Variants in GALNT15 observed in about 807,000 individuals in gnomAD.
GALNT15 encodes the protein polypeptide N-acetylgalactosaminyltransferase 15.
Under a neutral mutation model 66.8 loss-of-function variants are expected in GALNT15, and 67 were observed. The observed-to-expected ratio is 1.00, with a 90% confidence interval of 0.82 to 1.23. GALNT15 has a LOEUF of 1.23. Among genes scored for constraint, GALNT15 ranks in the 50% most tolerant of loss-of-function variants. The probability of loss-of-function intolerance (pLI) is 0.00; values close to 1 mark genes in which losing one functional copy is unlikely to be tolerated. For synonymous variants in GALNT15, 313 were observed against 311.5 expected (o/e 1.00, Z -0.05); for missense variants, 827 against 804.3 (o/e 1.03, Z -0.34).
intron 9 of GALNT15, among the ~76,000 whole-genome samples, chr3:16,222,971 C>T (rs1468283071): frequency 1.3e-5 from 2 of 152,162 alleles, no homozygotes; most frequent in East Asian, 3.9e-4. Context: ...TAATGATTTG[C>T]CAGGTCTCTG....
intron 1 of GALNT15, among the ~76,000 whole-genome samples, chr3:16,192,195 C>CCA (rs1187873809): frequency 6.6e-5 from 10 of 152,186 alleles, no homozygotes; most frequent in African/African-American, 1.4e-4. Context: ...GATACATACA[C>CCA]CACACGCACA....
At chr3:16,192,210 C>T (rs1360138432) in intron 1 of GALNT15, among the ~76,000 whole-genome samples, 1 of 152,216 alleles carries the variant, frequency 6.6e-6, no homozygotes, top group African/African-American at 2.4e-5. Context: ...CGCACACACA[C>T]GTGCACATGT....
rs1437020170 is a variant in GALNT15, at chr3:16,224,838, T to C, written c.1773+2080T>C. Among the ~76,000 whole-genome samples the C allele has an allele frequency of 6.6e-6, 1 of 152,060 alleles. No homozygotes were observed. The highest frequency in any genetic ancestry group is 1.5e-5 in the Non-Finnish European group (1 of 68,008). On this transcript the variant is annotated intron_variant, in intron 9 of 9. Coordinates refer to ENST00000339732, the MANE Select transcript of GALNT15 (RefSeq NM_054110.5). The surrounding 1 kb of genome is among the most constrained non-coding windows in gnomAD (Gnocchi z 5.2). Reference sequence around the variant, plus strand: ...TTTAGTAGAGACGGGGTTTCCTCCATGTTGGCCAGGCTGGTCTCGAACTCC... The same window carrying C: ...TTTAGTAGAGACGGGGTTTCCTCCACGTTGGCCAGGCTGGTCTCGAACTCC...
chr3:16,212,591 T>C lies in GALNT15; in HGVS notation c.1220T>C (p.Val407Ala), dbSNP rs2063828424. Residue 407 changes from valine (V) to alanine (A), a missense_variant, in exon 6 of 10, where the codon GTT becomes GCT. Physicochemically the swap from Val to Ala is moderately conservative, Grantham distance 64. Coordinates refer to ENST00000339732, the MANE Select transcript of GALNT15 (RefSeq NM_054110.5). ...SFKAWLCGGS[V>A]EILPCSRVGH... ...CAGGCCTGGCTCTGTGGTGGCTCTG[T>C]TGAAATCCTTCCCTGCTCTCGGGTA... The C allele has an allele frequency of 6.2e-7, 1 of 1,613,776 alleles. No homozygotes were observed. The highest frequency in any genetic ancestry group is 1.1e-5 in the South Asian group (1 of 91,046).
In GALNT15 at chr3:16,198,830, T is replaced by TG. The variant is rs1457051370; in HGVS notation, c.707-1784dup. Among the ~76,000 whole-genome samples the TG allele has an allele frequency of 1.4e-5, 2 of 141,516 alleles. 1 individual carries two copies. The highest frequency in any genetic ancestry group is 5.3e-5 in the African/African-American group (2 of 37,910). The allele number at this position is 141,516 out of a possible 152,430, so 92.8% of individuals were successfully genotyped here. On this transcript the variant is annotated intron_variant, in intron 2 of 9. Transcript: ENST00000339732. ...CAGGGAAGGAGTGTATGAAGTCTGC[T>TG]GGGGGCTCTCGGGTGGGGCTGCCTT...
chr3:16,231,999 A>T, downstream of GALNT15: 2 of 1,457,532 alleles, frequency 1.4e-6, no homozygotes, highest in Non-Finnish European at 1.8e-6. The surrounding 1 kb of genome is among the most constrained non-coding windows in gnomAD (Gnocchi z 4.1). Flanking sequence ...TGGAGCTGCT[A>T]TCTTTAAAGT....
intron 3 of GALNT15, among the ~76,000 whole-genome samples, chr3:16,206,590 G>A (rs887955767): frequency 1.6e-4 from 23 of 146,768 alleles, no homozygotes; most frequent in Admixed American, 1.1e-3. Context: ...GGAGAATGGC[G>A]TGAACCTGGG....
Position 16,186,029 on chromosome 3 carries a change from ATGTT to A in GALNT15, c.540-9727_540-9724del, listed in dbSNP as rs1176473678. Among the ~76,000 whole-genome samples, 5 of 152,336 alleles carry A rather than the reference ATGTT, an allele frequency of 3.3e-5. No individual in the cohort carries two copies. The highest frequency in any genetic ancestry group is 1.2e-4 in the African/African-American group (5 of 41,580). On this transcript the variant is annotated intron_variant, in intron 1 of 9. Coordinates refer to ENST00000339732, the MANE Select transcript of GALNT15 (RefSeq NM_054110.5). This position sits in a 1 kb window ranked among gnomAD's most constrained non-coding sequence, Gnocchi z 5.1. ...AAAGACAATCCAAGAGTAGAAGAAA[ATGTT>A]TGTAAGTCCTATATTGCATAAGAGA...
chr3:16,225,000 G>A lies in GALNT15; in HGVS notation c.1773+2242G>A, dbSNP rs976956936. Among the ~76,000 whole-genome samples the A allele has an allele frequency of 6.6e-6, 1 of 152,124 alleles. No individual in the cohort carries two copies. The highest frequency in any genetic ancestry group is 1.5e-5 in the Non-Finnish European group (1 of 68,024). On this transcript the variant is annotated intron_variant, in intron 9 of 9. Coordinates refer to ENST00000339732, the MANE Select transcript of GALNT15 (RefSeq NM_054110.5). This position sits in a 1 kb window ranked among gnomAD's most constrained non-coding sequence, Gnocchi z 5.2. The stretch of plus-strand genomic sequence containing the variant: ...AGACTGGGTAATTTATAAGAAAAAA[G>A]GTGTAATTGGCTCATGGTTCTGCAG...
chr3:16,233,116 A>ATTTTTTTTTT (rs2064101303), downstream of GALNT15, among the ~76,000 whole-genome samples: 1 of 104,312 alleles, frequency 9.6e-6, no homozygotes, highest in African/African-American at 3.9e-5. Flanking sequence ...TTTTTTTTGA[A>ATTTTTTTTTT]ACGGAGTCTG....
At position 16,219,542 on chromosome 3, in the gene GALNT15, A is replaced by C; in HGVS notation, c.1524+8A>C. On this transcript the variant is annotated splice_region_variant and intron_variant, in intron 7 of 9. Coordinates refer to ENST00000339732, the MANE Select transcript of GALNT15 (RefSeq NM_054110.5). This position sits in a 1 kb window ranked among gnomAD's most constrained non-coding sequence, Gnocchi z 4.3. ...CCCAGTTTCTCTGGAAAGGCAAGGCATGACCCAGGGAAGATGGGGAGGGAC... is the reference window on the plus strand; with the variant it reads ...CCCAGTTTCTCTGGAAAGGCAAGGCCTGACCCAGGGAAGATGGGGAGGGAC... 6.2e-7 allele frequency: 1 copy of C among 1,613,976 alleles called. No individual in the cohort carries two copies. The highest frequency in any genetic ancestry group is 8.5e-7 in the Non-Finnish European group (1 of 1,179,932).
intron 3 of GALNT15, among the ~76,000 whole-genome samples, chr3:16,207,695 C>T (rs2063772613): frequency 1.3e-5 from 2 of 152,026 alleles, no homozygotes; most frequent in Non-Finnish European, 2.9e-5. Flanking sequence ...CAAGCCAATC[C>T]AGTTTTACAC....
intron 6 of GALNT15, among the ~76,000 whole-genome samples, chr3:16,213,219 G>T (rs529277491): frequency 5.3e-5 from 8 of 152,174 alleles, no homozygotes; most frequent in Non-Finnish European, 1.0e-4. Context: ...ACTTTGGGAG[G>T]CCGAGGTGGG....
chr3:16,235,104 T>C (rs1248242566), downstream of GALNT15, among the ~76,000 whole-genome samples: 2 of 152,094 alleles, frequency 1.3e-5, no homozygotes, highest in Admixed American at 1.3e-4. Flanking sequence ...TTGGTATTTT[T>C]AGTAAAGACA....
At position 16,176,809 on chromosome 3, in the gene GALNT15, G is replaced by A. The variant is rs1355722663; in HGVS notation, c.539+1119G>A. Among the ~76,000 whole-genome samples the A allele has an allele frequency of 2.6e-5, 4 of 152,168 alleles. No homozygotes were observed. The East Asian group carries it at 7.7e-4, about 29-fold the overall frequency. On this transcript the variant is annotated intron_variant, in intron 1 of 9. Coordinates refer to ENST00000339732, the MANE Select transcript of GALNT15 (RefSeq NM_054110.5). This position sits in a 1 kb window ranked among gnomAD's most constrained non-coding sequence, Gnocchi z 5.6. ...TGGAAGCAGGGCCACACACTCTTCG[G>A]ATCCCTGATCTAGTTCCCCTCAGCC... is the stretch of plus-strand genomic sequence containing the variant.
intron 2 of GALNT15, among the ~76,000 whole-genome samples, chr3:16,196,354 A>G (rs918474454): frequency 4.6e-5 from 7 of 151,992 alleles, no homozygotes; most frequent in African/African-American, 1.5e-4. Context: ...TCGGTCCTTC[A>G]CTCATCATGG....
chr3:16,229,009 T>C lies in GALNT15; in HGVS notation c.*1509T>C. The C allele has an allele frequency of 1.0e-6, 1 of 985,460 alleles. No individual in the cohort carries two copies. The highest frequency in any genetic ancestry group is 1.2e-6 in the Non-Finnish European group (1 of 829,936). The allele number at this position is 985,460 out of a possible 1,614,324, so 61.0% of individuals were successfully genotyped here. On this transcript the variant is annotated 3_prime_UTR_variant, in exon 10 of 10. Transcript: ENST00000339732. ...AAGAGTTGCCGAATGGGATGGGTTC[T>C]GCTATTTAATAAACAGCATTCATAT...
At chr3:16,197,204 G>A (rs1222803792) in intron 2 of GALNT15, among the ~76,000 whole-genome samples, 2 of 152,186 alleles carry the variant, frequency 1.3e-5, no homozygotes, top group African/African-American at 4.8e-5. Context: ...TCGGGAGTAC[G>A]GAAAGTGGAG....
chr3:16,216,501 G>GGA lies in GALNT15; in HGVS notation c.1393-2902_1393-2901insGA, dbSNP rs1553687229. The stretch of plus-strand genomic sequence containing the variant: ...GAGCCAGAGCAAGACTCTGTCTCGG[G>GGA]AAAAAAAAAAAAAGTTTAGGGCAGA... On this transcript the variant is annotated intron_variant, in intron 6 of 9. Transcript: ENST00000339732. 2.6e-3 allele frequency among the ~76,000 whole-genome samples: 381 copies of GGA among 144,142 alleles called. 1 individual carries two copies. The highest frequency in any genetic ancestry group is 3.3e-3 in the Non-Finnish European group (221 of 66,550). 94.6% of individuals were successfully genotyped at this position (144,142 alleles called of 152,430 possible). A position where few individuals can be genotyped will look rare whatever the true frequency, so the allele number is the denominator to read the frequency against.
Sources: allele counts gnomAD v4.1 joint callset (sites outside exome capture counted in the v4.1 genomes callset), GRCh38; gene constraint gnomAD v4.1.1; non-coding constraint Gnocchi (gnomAD v3.1); transcripts MANE v1.5; gene names NCBI Gene and HGNC (gene_info 2026-07-23, HGNC 2026-07-21).